Variants in CEP170B observed in about 807,000 individuals in gnomAD.
CEP170B encodes the protein centrosomal protein of 170 kDa protein B.
CEP170B carries 55 observed loss-of-function variants against 120.6 expected under a neutral mutation model. That is an observed-to-expected ratio of 0.46 (90% confidence interval 0.37 to 0.57). The LOEUF is 0.57. CEP170B is among the 20% of genes least tolerant of loss of function. CEP170B has a pLI of 0.00. For missense variants in CEP170B, 2,212 were observed against 2,253.3 expected (o/e 0.98, Z 0.37); for synonymous variants, 1,033 against 954.5 (o/e 1.08, Z -1.52).
rs758567394 is a variant in CEP170B, at chr14:104,887,759, C to T, written c.3520C>T (p.Arg1174Trp). 7.0e-6 allele frequency: 11 copies of T among 1,579,374 alleles called. No individual in the cohort carries two copies. Among genetic ancestry groups the T allele is most frequent in the East Asian group, 6.9e-5 (3 of 43,562 alleles). ...ACGCCTGGACATCCTGGCCATGCCC[C>T]GGAAGCGGGCCGGCTCCTTCACAGG... ...LSRLDILAMPRKRAGSFTGTS... is the reference protein window; with the variant it reads ...LSRLDILAMPWKRAGSFTGTS... Residue 1174 changes from arginine to tryptophan, a missense_variant, in exon 12 of 19, where the codon CGG becomes TGG. Physicochemically the swap from Arg to Trp is moderately radical, Grantham distance 101. This residue lies in a region of CEP170B where 2,166 missense variants were observed against 2,166.7 expected (regional missense o/e 1.00). Transcript: ENST00000414716.
chr14:104,883,279 T>C lies in CEP170B; in HGVS notation c.822T>C (p.Asp274=). The C allele has an allele frequency of 1.2e-6, 2 of 1,611,786 alleles. No individual in the cohort carries two copies. The highest frequency in any genetic ancestry group is 1.7e-6 in the Non-Finnish European group (2 of 1,179,680). ...QSHASFTIEF[D]DCSPGKMKIK... is the part of the protein sequence containing the mutation. ...ACGCCTCCTTCACCATCGAGTTTGA[T>C]GACTGCAGCCCTGGCAAGATGAAGA... Residue 274 remains aspartate, a synonymous_variant, in exon 8 of 19, where the codon GAT becomes GAC. Coordinates refer to ENST00000414716, the MANE Select transcript of CEP170B (RefSeq NM_001112726.3).
chr14:104,873,427 TG>T (rs1363714502), intron 2 of CEP170B, among the ~76,000 whole-genome samples: 1 of 149,510 alleles, frequency 6.7e-6, no homozygotes, highest in Non-Finnish European at 1.5e-5. Context: ...GTGGCCTGGG[TG>T]GGGTAAGGAA....
At position 104,877,858 on chromosome 14, in the gene CEP170B, C is replaced by G. The variant is rs373530242; in HGVS notation, c.196-27C>G. The stretch of plus-strand genomic sequence containing the variant: ...GCCACCCACCCGCGCAGCTCCCCCC[C>G]CCCCCCCGCCACCTGTTTTCCTGCA... On this transcript the variant is annotated intron_variant, in intron 3 of 18. Transcript: ENST00000414716. 1.4e-3 allele frequency: 1,385 copies of G among 975,080 alleles called. 55 individuals are homozygous for G. Among genetic ancestry groups the G allele is most frequent in the African/African-American group, 4.2e-3 (222 of 52,676 alleles). 60.4% of individuals were successfully genotyped at this position (975,080 alleles called of 1,614,324 possible). A position where few individuals can be genotyped will look rare whatever the true frequency, so the allele number is the denominator to read the frequency against.
intron 13 of CEP170B, among the ~76,000 whole-genome samples, chr14:104,890,729 A>G (rs1335095361): frequency 1.3e-4 from 11 of 84,090 alleles, no homozygotes; most frequent in South Asian, 5.1e-4. Flanking sequence ...TGGTGGGTGG[A>G]TGGATGGATG....
rs201341611 is a variant in CEP170B, at chr14:104,883,402, C to G, written c.945C>G (p.Ala315=). Residue 315 remains alanine, a synonymous_variant, in exon 8 of 19, where the codon GCC becomes GCG. Coordinates refer to ENST00000414716, the MANE Select transcript of CEP170B (RefSeq NM_001112726.3). ...TGGTGTCGGCTGAGACCAAGGTGGC[C>G]GACTGGCTGGTGCAGAATGACCCGA... is the stretch of plus-strand genomic sequence containing the variant. ...GEMVSAETKV[A]DWLVQNDPSL... 3.8e-6 allele frequency: 6 copies of G among 1,592,240 alleles called. No homozygotes were observed. The highest frequency in any genetic ancestry group is 5.1e-6 in the Non-Finnish European group (6 of 1,170,906).
At chr14:104,877,329 C>T (rs1489957422) in intron 3 of CEP170B, among the ~76,000 whole-genome samples, 2 of 152,226 alleles carry the variant, frequency 1.3e-5, no homozygotes, top group Admixed American at 6.5e-5. Context: ...CGTCCCAGTC[C>T]GTGCTCCTGG....
chr14:104,892,090 C>A (rs1896877176), intron 13 of CEP170B, among the ~76,000 whole-genome samples: 1 of 151,992 alleles, frequency 6.6e-6, no homozygotes, highest in South Asian at 2.1e-4. Flanking sequence ...GCCGAGGAGG[C>A]TTGGGGTGGG....
At position 104,886,602 on chromosome 14, in the gene CEP170B, C is replaced by A; in HGVS notation, c.2363C>A (p.Ala788Asp). Residue 788 changes from alanine (A) to aspartate (D), a missense_variant, in exon 12 of 19, where the codon GCC becomes GAC. This residue lies in a region of CEP170B where 2,166 missense variants were observed against 2,166.7 expected (regional missense o/e 1.00). Coordinates refer to ENST00000414716, the MANE Select transcript of CEP170B (RefSeq NM_001112726.3). ...AGCAGGGGTCGGCGCTCACCAAGGGCCCCCGGGGAGCCAACTCCCGCCTCT... is the reference window on the plus strand; with the variant it reads ...AGCAGGGGTCGGCGCTCACCAAGGGACCCCGGGGAGCCAACTCCCGCCTCT... ...TWSRGRRSPR[A>D]PGEPTPASFF... 6.6e-7 allele frequency: 1 copy of A among 1,518,282 alleles called. No individual in the cohort carries two copies. 94.1% of individuals were successfully genotyped at this position (1,518,282 alleles called of 1,614,324 possible). A position where few individuals can be genotyped will look rare whatever the true frequency, so the allele number is the denominator to read the frequency against.
At chr14:104,890,786 T>C (rs549761822) in intron 13 of CEP170B, among the ~76,000 whole-genome samples, 5 of 128,776 alleles carry the variant, frequency 3.9e-5, no homozygotes, top group African/African-American at 1.5e-4. Context: ...AGTGGGTAGA[T>C]GGATGGATGG....
Position 104,868,581 on chromosome 14 carries a change from G to A in CEP170B, c.105+26G>A. 6.5e-7 allele frequency: 1 copy of A among 1,541,010 alleles called. No homozygotes were observed. Among genetic ancestry groups the A allele is most frequent in the Middle Eastern group, 1.8e-4 (1 of 5,514 alleles). ...GTTTGCAGGGAGCGCTTGGGGCCAG[G>A]AGGGTAGGGGGTAGACAGTCTGTCC... On this transcript the variant is annotated intron_variant, in intron 2 of 18. Transcript: ENST00000414716. This position sits in a 1 kb window ranked among gnomAD's most constrained non-coding sequence, Gnocchi z 5.9.
At position 104,889,778 on chromosome 14, in the gene CEP170B, T is replaced by C; in HGVS notation, c.3878+20T>C. 1 of 1,589,818 alleles carries C rather than the reference T, an allele frequency of 6.3e-7. No individual in the cohort carries two copies. Among genetic ancestry groups the C allele is most frequent in the African/African-American group, 1.3e-5 (1 of 74,204 alleles). ...TGCCAGGTGAGTAGCCCATTCAGAG[T>C]AAATCCACTGGGTGCCAGTGCGTTT... On this transcript the variant is annotated intron_variant, in intron 13 of 18. Coordinates refer to ENST00000414716, the MANE Select transcript of CEP170B (RefSeq NM_001112726.3).
Position 104,886,698 on chromosome 14 carries a change from A to C in CEP170B, c.2459A>C (p.Glu820Ala). The change falls in exon 12 of 19, where the codon GAG becomes GCG. Residue 820 changes from glutamate to alanine, a missense_variant. Transcript: ENST00000414716. ...RKPLAAPGDG[E>A]GLGQTAQPSP... is the part of the protein sequence containing the mutation. Reference sequence around the variant, plus strand: ...CCGCTTGCGGCTCCAGGGGATGGGGAGGGCCTAGGGCAGACAGCCCAGCCC... The same window carrying C: ...CCGCTTGCGGCTCCAGGGGATGGGGCGGGCCTAGGGCAGACAGCCCAGCCC... The C allele has an allele frequency of 6.4e-7, 1 of 1,563,620 alleles. No homozygotes were observed. The highest frequency in any genetic ancestry group is 8.7e-7 in the Non-Finnish European group (1 of 1,155,480).
At chr14:104,894,618 G>A in intron 18 of CEP170B, 30 bp downstream of exon 18, 1 of 1,606,410 alleles carries the variant, frequency 6.2e-7, no homozygotes, top group Non-Finnish European at 8.5e-7. Flanking sequence ...GGGGCAGCAA[G>A]GGAGGCTGGC....
upstream of CEP170B, among the ~76,000 whole-genome samples, chr14:104,864,674 C>G (rs1017900211): frequency 3.3e-5 from 5 of 152,176 alleles, no homozygotes; most frequent in African/African-American, 1.2e-4. The surrounding 1 kb of genome is among the most constrained non-coding windows in gnomAD (Gnocchi z 5.9). Flanking sequence ...GCCCCCAGCT[C>G]AGCCCAGAGC....
Position 104,887,500 on chromosome 14 carries a change from A to G in CEP170B, c.3261A>G (p.Pro1087=). 1.2e-6 allele frequency: 2 copies of G among 1,611,888 alleles called. No homozygotes were observed. The highest frequency in any genetic ancestry group is 1.1e-5 in the South Asian group (1 of 91,018). ...GSRRKPAAPP[P]SPAAREEQSR... Reference sequence around the variant, plus strand: ...GCCGGAAACCAGCGGCCCCACCGCCATCCCCAGCTGCCCGGGAGGAGCAGA... The same window carrying G: ...GCCGGAAACCAGCGGCCCCACCGCCGTCCCCAGCTGCCCGGGAGGAGCAGA... The change falls in exon 12 of 19, where the codon CCA becomes CCG. Residue 1087 remains proline (P), a synonymous_variant. Transcript: ENST00000414716.
intron 8 of CEP170B, 46 bp downstream of exon 8, chr14:104,883,554 G>A (rs10145270): frequency 0.53 from 790,094 of 1,490,428 alleles, 219,897 homozygotes; most frequent in Middle Eastern, 0.63. Flanking sequence ...ACAGGCAGGG[G>A]ACCGGACTTT....
In CEP170B at chr14:104,870,073, C is replaced by T. The variant is rs1375856138; in HGVS notation, c.105+1518C>T. ...TATGCCTTTGGTAGCGGGAGAGAGT[C>T]GGTGGCTGGGGGCAGGAGTCGGCAA... is the stretch of plus-strand genomic sequence containing the variant. On this transcript the variant is annotated intron_variant, in intron 2 of 18. Coordinates refer to ENST00000414716, the MANE Select transcript of CEP170B (RefSeq NM_001112726.3). This position sits in a 1 kb window ranked among gnomAD's most constrained non-coding sequence, Gnocchi z 4.1. 6.6e-6 allele frequency among the ~76,000 whole-genome samples: 1 copy of T among 151,276 alleles called. No homozygotes were observed. Among genetic ancestry groups the T allele is most frequent in the Non-Finnish European group, 1.5e-5 (1 of 67,802 alleles).
Position 104,875,597 on chromosome 14 carries a change from T to C in CEP170B, c.106-659T>C, listed in dbSNP as rs1595319960. Reference sequence around the variant, plus strand: ...GCTGTGCTCGCAGTGCTGTGTGGAGTGGAGGCCGAGTGGGCAGCAGCCGTG... The same window carrying C: ...GCTGTGCTCGCAGTGCTGTGTGGAGCGGAGGCCGAGTGGGCAGCAGCCGTG... On this transcript the variant is annotated intron_variant, in intron 2 of 18. Coordinates refer to ENST00000414716, the MANE Select transcript of CEP170B (RefSeq NM_001112726.3). 4.6e-5 allele frequency among the ~76,000 whole-genome samples: 7 copies of C among 151,738 alleles called. No homozygotes were observed. The South Asian group carries it at 1.5e-3, about 32-fold the overall frequency.
At chr14:104,878,158 C>T (rs912072594) in intron 4 of CEP170B, among the ~76,000 whole-genome samples, 195 bp downstream of exon 4, 3 of 152,106 alleles carry the variant, frequency 2.0e-5, no homozygotes, top group Non-Finnish European at 4.4e-5. Flanking sequence ...CCCGGCCCCC[C>T]GTGGACACCC....
Sources: allele counts gnomAD v4.1 joint callset (sites outside exome capture counted in the v4.1 genomes callset), GRCh38; gene constraint gnomAD v4.1.1; regional missense constraint gnomAD v4.1.1; non-coding constraint Gnocchi (gnomAD v3.1); transcripts MANE v1.5; gene names NCBI Gene and HGNC (gene_info 2026-07-23, HGNC 2026-07-21).